AR: variants seen among roughly 807,000 people sequenced by gnomAD.
AR encodes dihydrotestosterone receptor.
In AR, 8 loss-of-function variants were observed where a neutral mutation model predicts 53.9. That is an observed-to-expected ratio of 0.15 (90% confidence interval 0.09 to 0.27). AR has a LOEUF of 0.27. Among genes scored for constraint, AR ranks in the 10% least tolerant of loss-of-function variants. The pLI is 1.00. For missense variants in AR, 639 were observed against 742.5 expected (o/e 0.86, Z 1.62); for synonymous variants, 359 against 316.4 (o/e 1.13, Z -1.43).
chrX:67,693,255 C>T (rs1162892319), intron 3 of AR, among the ~76,000 whole-genome samples: 1 of 112,055 alleles, frequency 8.9e-6, no homozygotes, highest in Non-Finnish European at 1.9e-5. Context: ...TTGTTGTTTA[C>T]TTTTACTGTG....
In AR at chrX:67,722,888, G is replaced by A. The variant is rs746810955; in HGVS notation, c.2511G>A (p.Lys837=). The change falls in exon 7 of 8, where the codon AAG becomes AAA. Residue 837 remains lysine, a synonymous_variant. Transcript: ENST00000374690. ...FFDELRMNYI[K]ELDRIIACKR... The stretch of plus-strand genomic sequence containing the variant: ...ATGAACTTCGAATGAACTACATCAA[G>A]GAACTCGATCGTATCATTGCATGCA... The A allele has an allele frequency of 2.5e-6, 3 of 1,210,859 alleles. No individual in the cohort carries two copies. In the Admixed American group the frequency reaches 6.5e-5, roughly 26 times the overall value.
Position 67,724,679 on chromosome X carries a change from CTTG to C in AR, c.*845_*847del, listed in dbSNP as rs1030712735. The C allele has an allele frequency of 1.2e-5, 2 of 173,727 alleles. No individual in the cohort carries two copies. The highest frequency in any genetic ancestry group is 3.0e-5 in the African/African-American group (1 of 33,688). 14.3% of individuals were successfully genotyped at this position (173,727 alleles called of 1,213,427 possible). A position where few individuals can be genotyped will look rare whatever the true frequency, so the allele number is the denominator to read the frequency against. On this transcript the variant is annotated 3_prime_UTR_variant, in exon 8 of 8. Coordinates refer to ENST00000374690, the MANE Select transcript of AR (RefSeq NM_000044.6). ...AGCAATTCATTATACTGAAAATGTG[CTTG>C]TTGTTGAAAATTTGTCTGCATGTTA...
intron 2 of AR, among the ~76,000 whole-genome samples, chrX:67,658,616 C>T (rs191654937): frequency 3.3e-4 from 37 of 111,525 alleles, no homozygotes; most frequent in African/African-American, 1.0e-3. Context: ...CACACCACCA[C>T]GCCCAGTGAG....
Position 67,726,438 on chromosome X carries a change from C to T in AR, c.*2597C>T, listed in dbSNP as rs1244243597. ...ATTGAATTATATCATTTTCATATCT[C>T]TCCTTGTAAATACTAGAAGCTCTCC... is the stretch of plus-strand genomic sequence containing the variant. On this transcript the variant is annotated 3_prime_UTR_variant, in exon 8 of 8. Coordinates refer to ENST00000374690, the MANE Select transcript of AR (RefSeq NM_000044.6). The T allele has an allele frequency of 5.7e-6, 1 of 174,014 alleles. No homozygotes were observed. The highest frequency in any genetic ancestry group is 8.2e-5 in the East Asian group (1 of 12,254). The allele number at this position is 174,014 out of a possible 1,213,427, so 14.3% of individuals were successfully genotyped here.
chrX:67,640,383 C>T (rs1237865519), intron 1 of AR, among the ~76,000 whole-genome samples: 2 of 111,042 alleles, frequency 1.8e-5, no homozygotes, highest in African/African-American at 6.6e-5. Flanking sequence ...GGAATAGTTT[C>T]GGAAGGAATG....
chrX:67,647,596 T>C (rs1163998942), intron 2 of AR, among the ~76,000 whole-genome samples: 1 of 112,244 alleles, frequency 8.9e-6, no homozygotes. Flanking sequence ...TCAGGTATCT[T>C]TGGCCAAGGA....
intron 1 of AR, among the ~76,000 whole-genome samples, chrX:67,633,214 G>T (rs770733638): frequency 8.9e-6 from 1 of 112,059 alleles, no homozygotes; most frequent in Admixed American, 9.4e-5. Context: ...GGAGTTTAGT[G>T]TACACATTAT....
intron 4 of AR, among the ~76,000 whole-genome samples, chrX:67,716,731 C>T (rs190349819): frequency 2.1e-4 from 24 of 111,758 alleles, no homozygotes; most frequent in African/African-American, 7.8e-4. Context: ...TCTCTCCATA[C>T]CCTGTACACT....
chrX:67,659,164 C>T (rs913099356), intron 2 of AR, among the ~76,000 whole-genome samples: 2 of 110,795 alleles, frequency 1.8e-5, no homozygotes, highest in Admixed American at 9.6e-5. Flanking sequence ...AGTCAGATAG[C>T]GTTTTCCAGT....
intron 2 of AR, among the ~76,000 whole-genome samples, chrX:67,645,859 G>C (rs1401514184): frequency 9.0e-6 from 1 of 111,683 alleles, no homozygotes; most frequent in Non-Finnish European, 1.9e-5. Flanking sequence ...TTTGAAGGCA[G>C]GGGGCTGTCT....
chrX:67,680,627 T>C (rs1162780185), intron 2 of AR: 3 of 318,418 alleles, frequency 9.4e-6, no homozygotes, highest in Non-Finnish European at 1.8e-5. Flanking sequence ...AGGTTAACAA[T>C]GAAGATGATG....
At chrX:67,631,982 G>C in intron 1 of AR, among the ~76,000 whole-genome samples, 1 of 113,384 alleles carries the variant, frequency 8.8e-6, no homozygotes, top group Middle Eastern at 4.6e-3. Flanking sequence ...CACTTGAGGA[G>C]GCAGTCTGCC....
In AR at chrX:67,711,495, T is replaced by C. The variant is rs771205460; in HGVS notation, c.1979T>C (p.Leu660Pro). 8.3e-7 allele frequency: 1 copy of C among 1,211,061 alleles called. No homozygotes were observed. The highest frequency in any genetic ancestry group is 2.2e-5 in the Admixed American group (1 of 45,975). Reference sequence around the variant, plus strand: ...CCCACTGAGGAGACAACCCAGAAGCTGACAGTGTCACACATTGAAGGCTAT... The same window carrying C: ...CCCACTGAGGAGACAACCCAGAAGCCGACAGTGTCACACATTGAAGGCTAT... ...TSPTEETTQK[L>P]TVSHIEGYEC... The change falls in exon 4 of 8, where the codon CTG (leucine) becomes CCG (proline). Residue 660 changes from leucine to proline, a missense_variant. This residue lies in a region of AR where 47 missense variants were observed against 35.9 expected (regional missense o/e 1.31). Transcript: ENST00000374690.
intron 1 of AR, among the ~76,000 whole-genome samples, chrX:67,563,681 G>T (rs932042955): frequency 8.9e-6 from 1 of 111,798 alleles, no homozygotes; most frequent in Non-Finnish European, 1.9e-5. Context: ...AGCATGATTT[G>T]CTTCGGTAAT....
intron 1 of AR, among the ~76,000 whole-genome samples, chrX:67,558,489 C>T (rs1047190561): frequency 8.9e-6 from 1 of 111,834 alleles, no homozygotes; most frequent in Non-Finnish European, 1.9e-5. Flanking sequence ...TCAGATTACC[C>T]TTCACCTTTA....
chrX:67,569,517 T>G (rs1464955597), intron 1 of AR, among the ~76,000 whole-genome samples: 1 of 111,812 alleles, frequency 8.9e-6, no homozygotes, highest in Non-Finnish European at 1.9e-5. Flanking sequence ...TCTTACCCTG[T>G]GTGCTTTGCT....
chrX:67,610,685 A>G (rs1380267516), intron 1 of AR, among the ~76,000 whole-genome samples: 2 of 112,178 alleles, frequency 1.8e-5, no homozygotes, highest in South Asian at 3.7e-4. Context: ...ATAGATCTAT[A>G]TAAGTTTTCT....
At chrX:67,722,396 AT>A (rs2076139570) in intron 6 of AR, among the ~76,000 whole-genome samples, 1 of 111,801 alleles carries the variant, frequency 8.9e-6, no homozygotes, top group Non-Finnish European at 1.9e-5. Flanking sequence ...CTCAGATAGG[AT>A]TTGTATGGCA....
chrX:67,683,215 G>T (rs755644790), intron 2 of AR, among the ~76,000 whole-genome samples: 1 of 111,479 alleles, frequency 9.0e-6, no homozygotes, highest in South Asian at 3.8e-4. Context: ...CCTTTCTAAG[G>T]CAATGTTAAC....
Sources: allele counts gnomAD v4.1 joint callset (sites outside exome capture counted in the v4.1 genomes callset), GRCh38; gene constraint gnomAD v4.1.1; regional missense constraint gnomAD v4.1.1; transcripts MANE v1.5; gene names NCBI Gene and HGNC (gene_info 2026-07-23, HGNC 2026-07-21).